Variants in NOSTRIN observed in about 807,000 individuals in gnomAD.
NOSTRIN encodes BM247 homolog.
NOSTRIN carries 63 observed loss-of-function variants against 59.0 expected under a neutral mutation model. The ratio of observed to expected loss-of-function variants is 1.07; its 90% CI spans 0.87 to 1.32. The LOEUF (loss-of-function observed/expected upper bound fraction) is 1.32, where lower values mean the gene tolerates loss of function less well. Among genes scored for constraint, NOSTRIN ranks in the 40% most tolerant of loss-of-function variants. NOSTRIN has a pLI of 0.00. For missense variants in NOSTRIN, 512 were observed against 473.1 expected (o/e 1.08, Z -0.76); for synonymous variants, 200 against 165.4 (o/e 1.21, Z -1.61).
At chr2:168,822,126 A>G (rs568503889) in intron 2 of NOSTRIN, among the ~76,000 whole-genome samples, 1 of 152,292 alleles carries the variant, frequency 6.6e-6, no homozygotes, top group South Asian at 2.1e-4. Flanking sequence ...CTCTCCATCA[A>G]CTGGGACATA....
rs556450185 is a variant in NOSTRIN at position 168,853,867 on chromosome 2, A to C, written c.856-1485A>C. Among the ~76,000 whole-genome samples the C allele has an allele frequency of 5.6e-4, 86 of 152,246 alleles. 3 individuals carry two copies. In the South Asian group the frequency reaches 0.017, roughly 30 times the overall value. On this transcript the variant is annotated intron_variant, in intron 10 of 15. Transcript: ENST00000317647. ...GGAGTTGCATGTAATAAATAATATAAAGAAATATTTATTTATTTGAGACGG... is the reference window on the plus strand; with the variant it reads ...GGAGTTGCATGTAATAAATAATATACAGAAATATTTATTTATTTGAGACGG...
At chr2:168,863,374 TAGAA>T in intron 15 of NOSTRIN, 4 of 982,214 alleles carry the variant, frequency 4.1e-6, no homozygotes, top group African/African-American at 1.8e-5. Context: ...TCCTTTGTCT[TAGAA>T]AGAAAGTTGC....
At chr2:168,786,733 T>C (rs1208666907) in intron 1 of NOSTRIN, 3 of 152,162 alleles carry the variant, frequency 2.0e-5, no homozygotes, top group Non-Finnish European at 4.4e-5. Context: ...CTTTACTTCC[T>C]TTCGTTCCTG....
At chr2:168,847,779 A>G (rs1688519324) in intron 8 of NOSTRIN, among the ~76,000 whole-genome samples, 1 of 152,226 alleles carries the variant, frequency 6.6e-6, no homozygotes, top group Non-Finnish European at 1.5e-5. Context: ...TATTTTATAT[A>G]AAAAGAACAA....
intron 2 of NOSTRIN, among the ~76,000 whole-genome samples, chr2:168,822,735 G>A (rs927645626): frequency 6.6e-5 from 10 of 152,162 alleles, no homozygotes; most frequent in African/African-American, 1.4e-4. Flanking sequence ...TTTAAGATGA[G>A]AATGATTCAA....
chr2:168,825,825 A>T (rs1687031503), intron 3 of NOSTRIN, among the ~76,000 whole-genome samples: 1 of 152,178 alleles, frequency 6.6e-6, no homozygotes, highest in African/African-American at 2.4e-5. Context: ...AGGGGAAAGG[A>T]AAAAAAGAAG....
chr2:168,794,536 A>G (rs1279934936), upstream of NOSTRIN, among the ~76,000 whole-genome samples: 2 of 151,432 alleles, frequency 1.3e-5, no homozygotes, highest in Non-Finnish European at 2.9e-5. Flanking sequence ...TGTTTTTACT[A>G]GAGACGGGGT....
intron 10 of NOSTRIN, among the ~76,000 whole-genome samples, chr2:168,853,617 G>C (rs1688901313): frequency 1.3e-5 from 2 of 152,210 alleles, no homozygotes; most frequent in Admixed American, 6.5e-5. Flanking sequence ...GGACTGGTAT[G>C]GGAGCTATGT....
chr2:168,848,330 G>T (rs866968743), intron 8 of NOSTRIN, among the ~76,000 whole-genome samples: 14 of 152,206 alleles, frequency 9.2e-5, no homozygotes, highest in Non-Finnish European at 1.6e-4. Flanking sequence ...AGCCTCAGGG[G>T]ACTGCCAGCG....
At chr2:168,852,517 C>A (rs1688830572) in intron 10 of NOSTRIN, among the ~76,000 whole-genome samples, 1 of 152,152 alleles carries the variant, frequency 6.6e-6, no homozygotes, top group African/African-American at 2.4e-5. Context: ...AGAAAGAATT[C>A]TGATAGCGTT....
chr2:168,798,101 ATACT>A (rs1685531801), upstream of NOSTRIN: 1 of 152,160 alleles, frequency 6.6e-6, no homozygotes, highest in South Asian at 2.1e-4. Flanking sequence ...ATAGTCATAA[ATACT>A]TATTTGTATT....
At chr2:168,805,324 A>G (rs1054068745) in intron 1 of NOSTRIN, among the ~76,000 whole-genome samples, 25 of 152,214 alleles carry the variant, frequency 1.6e-4, no homozygotes, top group African/African-American at 5.8e-4. Flanking sequence ...TTTGAAAAAG[A>G]TATCTGTAAG....
chr2:168,839,127 T>G (rs1687910421), intron 7 of NOSTRIN, among the ~76,000 whole-genome samples: 2 of 152,106 alleles, frequency 1.3e-5, no homozygotes, highest in African/African-American at 4.8e-5. Flanking sequence ...CTTCCTGACT[T>G]GAACCTTGCC....
chr2:168,799,253 C>T (rs1323560652), upstream of NOSTRIN, among the ~76,000 whole-genome samples: 2 of 152,216 alleles, frequency 1.3e-5, no homozygotes, highest in Non-Finnish European at 2.9e-5. Flanking sequence ...AAATGCTCTA[C>T]TTATATTAAG....
intron 8 of NOSTRIN, 39 bp downstream of exon 8, chr2:168,843,156 G>A: frequency 1.2e-6 from 1 of 847,250 alleles, no homozygotes; most frequent in Non-Finnish European, 2.0e-6. Context: ...CTTCTGTGGA[G>A]CTTTGTGTGA....
chr2:168,834,113 G>C, intron 6 of NOSTRIN, 114 bp from the exon 7 acceptor site: 2 of 637,092 alleles, frequency 3.1e-6, no homozygotes, highest in Non-Finnish European at 5.6e-6. Context: ...AGGATTCTAG[G>C]ATACATAATT....
At chr2:168,851,541 A>C in intron 10 of NOSTRIN, 137 bp downstream of exon 10, 1 of 1,309,394 alleles carries the variant, frequency 7.6e-7, no homozygotes, top group Non-Finnish European at 1.0e-6. Flanking sequence ...AAATTTAAAA[A>C]ACCCAGCATT....
rs1235706537 is a variant in NOSTRIN at position 168,865,183 on chromosome 2, G to C, written c.*213G>C. The C allele has an allele frequency of 1.8e-6, 1 of 553,998 alleles. No homozygotes were observed. Among genetic ancestry groups the C allele is most frequent in the Admixed American group, 3.3e-5 (1 of 29,954 alleles). 34.3% of individuals were successfully genotyped at this position (553,998 alleles called of 1,614,324 possible). On this transcript the variant is annotated 3_prime_UTR_variant, in exon 16 of 16. Transcript: ENST00000317647. Reference sequence around the variant, plus strand: ...AGACAGACAAGGAAGAGGCTCCTTGGTTCCTAGAGGAGTTTCCAAATTCTA... The same window carrying C: ...AGACAGACAAGGAAGAGGCTCCTTGCTTCCTAGAGGAGTTTCCAAATTCTA...
intron 2 of NOSTRIN, among the ~76,000 whole-genome samples, chr2:168,813,679 T>A (rs560835082): frequency 3.9e-5 from 6 of 152,256 alleles, no homozygotes; most frequent in Non-Finnish European, 8.8e-5. Context: ...TAGCTTTACA[T>A]CCTTATAGAG....
Sources: gnomAD v4.1 joint callset for allele counts (sites outside exome capture counted in the v4.1 genomes callset) on GRCh38, gnomAD v4.1.1 for gene constraint, MANE v1.5 for transcripts, NCBI Gene and HGNC (gene_info 2026-07-23, HGNC 2026-07-21) for gene names.